ASS1: variants seen among roughly 807,000 people sequenced by gnomAD.
The protein encoded by ASS1 is argininosuccinate synthase.
Under a neutral mutation model 60.5 loss-of-function variants are expected in ASS1, and 58 were observed. The ratio of observed to expected loss-of-function variants is 0.96; its 90% CI spans 0.78 to 1.19. ASS1 has a LOEUF of 1.19. Ranked by LOEUF, ASS1 falls within the 50% of genes most tolerant of loss-of-function variation. The pLI, the probability that ASS1 is intolerant of heterozygous loss-of-function variation, is 0.00. For synonymous variants in ASS1, 200 were observed against 206.9 expected, an observed-to-expected ratio of 0.97 and a Z score of 0.29; for missense variants, 454 against 547.3, an observed-to-expected ratio of 0.83 and a Z score of 1.70.
Position 130,494,867 on chromosome 9 carries a change from G to T in ASS1, c.971G>T (p.Gly324Val), listed in dbSNP as rs1554725034. Residue 324 changes from glycine (G) to valine (V), a missense_variant and splice_region_variant, in exon 13 of 15, where the codon GGT becomes GTT. By Grantham distance (109) the Gly-to-Val change is moderately radical. Coordinates refer to ENST00000352480, the MANE Select transcript of ASS1 (RefSeq NM_054012.4). The surrounding 1 kb of genome is among the most constrained non-coding windows in gnomAD (Gnocchi z 4.3). ...GLKFAELVYT[G>V]FWHSPECEFV... ...TGGTATCCTGTTTTCCTCCCTGTAG[G>T]TTTCTGGCACAGCCCTGAGTGTGAA... The T allele has an allele frequency of 3.7e-6, 6 of 1,613,384 alleles. No individual in the cohort carries two copies. The highest frequency in any genetic ancestry group is 1.7e-5 in the Admixed American group (1 of 60,016).
chr9:130,496,741 G>A (rs1392941579), intron 13 of ASS1, among the ~76,000 whole-genome samples: 1 of 152,182 alleles, frequency 6.6e-6, no homozygotes, highest in African/African-American at 2.4e-5. Context: ...GTAACGATTG[G>A]CCACTCCTGT....
At chr9:130,490,502 T>C (rs1280340768) in intron 12 of ASS1, among the ~76,000 whole-genome samples, 2 of 151,824 alleles carry the variant, frequency 1.3e-5, no homozygotes, top group African/African-American at 2.4e-5. Flanking sequence ...TTAGTAGAGA[T>C]GGGGTTTCAC....
At chr9:130,486,442 CT>C (rs1438532121) in intron 11 of ASS1, among the ~76,000 whole-genome samples, 1 of 152,150 alleles carries the variant, frequency 6.6e-6, no homozygotes, top group Non-Finnish European at 1.5e-5. Flanking sequence ...AATGACTTTT[CT>C]CAGTCATTCC....
intron 11 of ASS1, among the ~76,000 whole-genome samples, chr9:130,483,833 C>T (rs1395519289): frequency 1.3e-5 from 1 of 79,450 alleles, no homozygotes; most frequent in Non-Finnish European, 2.4e-5. Context: ...CCTCCCTTGC[C>T]CTTCCCTCTT....
chr9:130,497,454 A>G (rs1345237705), intron 13 of ASS1, among the ~76,000 whole-genome samples: 1 of 152,110 alleles, frequency 6.6e-6, no homozygotes, highest in Admixed American at 6.6e-5. Flanking sequence ...CAAAAATAAA[A>G]GCACAGAGGT....
Position 130,476,741 on chromosome 9 carries a change from G to A in ASS1, c.598-130G>A. The A allele has an allele frequency of 1.1e-6, 1 of 881,166 alleles. No homozygotes were observed. The allele number at this position is 881,166 out of a possible 1,614,324, so 54.6% of individuals were successfully genotyped here. On this transcript the variant is annotated intron_variant, in intron 8 of 14. Coordinates refer to ENST00000352480, the MANE Select transcript of ASS1 (RefSeq NM_054012.4). The surrounding 1 kb of genome is among the most constrained non-coding windows in gnomAD (Gnocchi z 4.9). ...CTAGGCTGAGGGCTGGGGACCGGGG[G>A]ATCTGCCGGACCCCACCAGCTGGTG...
At chr9:130,486,343 G>A (rs1651820898) in intron 11 of ASS1, among the ~76,000 whole-genome samples, 1 of 151,914 alleles carries the variant, frequency 6.6e-6, no homozygotes, top group Non-Finnish European at 1.5e-5. Context: ...CTCCCTCCTT[G>A]GCCTCCCAAA....
At chr9:130,466,688 C>G (rs376591656) in intron 5 of ASS1, 37 bp from the exon 6 acceptor site, 1 of 1,598,508 alleles carries the variant, frequency 6.3e-7, no homozygotes. Context: ...GCCCACAGCT[C>G]GGCCCTCCCG....
In ASS1 at chr9:130,478,240, C is replaced by T. The variant is rs1160784961; in HGVS notation, c.688+1279C>T. Among the ~76,000 whole-genome samples the T allele has an allele frequency of 6.6e-6, 1 of 152,224 alleles. No individual in the cohort carries two copies. Among genetic ancestry groups the T allele is most frequent in the Non-Finnish European group, 1.5e-5 (1 of 68,030 alleles). On this transcript the variant is annotated intron_variant, in intron 9 of 14. Coordinates refer to ENST00000352480, the MANE Select transcript of ASS1 (RefSeq NM_054012.4). The surrounding 1 kb of genome is among the most constrained non-coding windows in gnomAD (Gnocchi z 4.7). ...AAAGAGGACCCCAAAGGCAGCCGGGCCCCCAGGCCTGTTTGCAGGCACAGA... is the reference window on the plus strand; with the variant it reads ...AAAGAGGACCCCAAAGGCAGCCGGGTCCCCAGGCCTGTTTGCAGGCACAGA...
chr9:130,499,471 A>G, intron 13 of ASS1, 34 bp from the exon 14 acceptor site: 2 of 1,608,324 alleles, frequency 1.2e-6, no homozygotes, highest in Non-Finnish European at 8.5e-7. Flanking sequence ...GGCCAGGGCC[A>G]GGCTGAGCTG....
intron 11 of ASS1, among the ~76,000 whole-genome samples, chr9:130,481,866 C>A (rs1846183282): frequency 6.6e-6 from 1 of 152,140 alleles, no homozygotes; most frequent in Non-Finnish European, 1.5e-5. Flanking sequence ...TCTGGGGAGG[C>A]CTTGAGAACA....
intron 5 of ASS1, among the ~76,000 whole-genome samples, chr9:130,465,056 A>ATATATATATATTTTTTTTTTTTTTTTT (rs1479147331): frequency 5.8e-5 from 7 of 120,150 alleles, no homozygotes; most frequent in African/African-American, 2.5e-4. Context: ...ATATATATAT[A>ATATATATATATTTTTTTTTTTTTTTTT]TTTTTTTTTT....
chr9:130,469,807 G>A (rs1845826345), intron 6 of ASS1, among the ~76,000 whole-genome samples: 1 of 152,192 alleles, frequency 6.6e-6, no homozygotes, highest in Non-Finnish European at 1.5e-5. Flanking sequence ...ACCATCTTGG[G>A]AATGAGCCTG....
chr9:130,464,362 C>T (rs1444053964), intron 5 of ASS1, among the ~76,000 whole-genome samples, 195 bp downstream of exon 5: 2 of 152,204 alleles, frequency 1.3e-5, no homozygotes, highest in Admixed American at 1.3e-4. Context: ...ACTTTCTTCC[C>T]CGCCATTCAT....
chr9:130,475,536 C>T (rs1458833762), intron 8 of ASS1, among the ~76,000 whole-genome samples: 2 of 152,128 alleles, frequency 1.3e-5, no homozygotes, highest in Non-Finnish European at 2.9e-5. Context: ...GCGAGGACCT[C>T]GCGGGGCTCC....
Position 130,491,966 on chromosome 9 carries a change from A to C in ASS1, c.970+2502A>C, listed in dbSNP as rs1019257883. On this transcript the variant is annotated intron_variant, in intron 12 of 14. Transcript: ENST00000352480. This position sits in a 1 kb window ranked among gnomAD's most constrained non-coding sequence, Gnocchi z 5.3. The stretch of plus-strand genomic sequence containing the variant: ...CCCATGAGGGATACAGACATGGTAT[A>C]GACCAGGGCTTTGCCTGATCATGTT... Among the ~76,000 whole-genome samples the C allele has an allele frequency of 6.6e-6, 1 of 152,202 alleles. No homozygotes were observed. The highest frequency in any genetic ancestry group is 1.9e-4 in the East Asian group (1 of 5,188).
At chr9:130,500,578 G>C (rs967600984) in intron 14 of ASS1, among the ~76,000 whole-genome samples, 1 of 151,888 alleles carries the variant, frequency 6.6e-6, no homozygotes, top group East Asian at 1.9e-4. Context: ...GTTGAAGCCC[G>C]CCCATCTGCC....
intron 13 of ASS1, among the ~76,000 whole-genome samples, chr9:130,496,884 C>T (rs1190605593): frequency 6.6e-6 from 1 of 152,230 alleles, no homozygotes; most frequent in African/African-American, 2.4e-5. Context: ...CCCCTAAGGC[C>T]CAGCTTAGCT....
At chr9:130,466,372 G>A (rs540191850) in intron 5 of ASS1, 51 of 372,582 alleles carry the variant, frequency 1.4e-4, no homozygotes, top group African/African-American at 1.0e-3. Context: ...CCTGGGTCAC[G>A]GCAGTGGCCC....
Sources: gnomAD v4.1 joint callset for allele counts (sites outside exome capture counted in the v4.1 genomes callset) on GRCh38, gnomAD v4.1.1 for gene constraint, Gnocchi (gnomAD v3.1) non-coding constraint, MANE v1.5 for transcripts, NCBI Gene and HGNC (gene_info 2026-07-23, HGNC 2026-07-21) for gene names.